MYO16: variants seen among roughly 807,000 people sequenced by gnomAD.
MYO16 encodes myosin XVI, also known as unconventional myosin-XVI.
Under a neutral mutation model 205.3 loss-of-function variants are expected in MYO16, and 94 were observed. That is an observed-to-expected ratio of 0.46 (90% CI 0.39 to 0.54). The LOEUF (loss-of-function observed/expected upper bound fraction) is 0.54, where lower values mean the gene tolerates loss of function less well. Among genes scored for constraint, MYO16 ranks in the 20% least tolerant of loss-of-function variants. The probability of loss-of-function intolerance (pLI) is 0.00; values close to 1 mark genes in which losing one functional copy is unlikely to be tolerated. For synonymous variants in MYO16, 988 were observed against 954.0 expected (o/e 1.04, Z -0.66); for missense variants, 2,315 against 2,387.5 (o/e 0.97, Z 0.63).
chr13:108,942,876 C>A (rs2139319286), intron 16 of MYO16, among the ~76,000 whole-genome samples: 1 of 152,284 alleles, frequency 6.6e-6, no homozygotes, highest in Non-Finnish European at 1.5e-5. Context: ...AGCTAATCTG[C>A]TTCCCCCAAG....
chr13:109,038,355 T>C lies in MYO16; in HGVS notation c.2797-8561T>C, dbSNP rs1350939927. Among the ~76,000 whole-genome samples the C allele has an allele frequency of 2.6e-5, 4 of 152,146 alleles. No individual in the cohort carries two copies. In the East Asian group the frequency reaches 7.8e-4, roughly 30 times the overall value. On this transcript the variant is annotated intron_variant, in intron 23 of 34. Coordinates refer to ENST00000457511, the MANE Select transcript of MYO16 (RefSeq NM_001198950.3). ...GGGTGGGTGGGCACCACCTAATCCC[T>C]TGAGGGCCTGAATAGTGCAAAAGAG...
chr13:108,630,219 A>G (rs993376242), intron 1 of MYO16, among the ~76,000 whole-genome samples: 1 of 152,110 alleles, frequency 6.6e-6, no homozygotes, highest in African/African-American at 2.4e-5. Context: ...ATGTTAATAA[A>G]GTACATAAAA....
intron 11 of MYO16, among the ~76,000 whole-genome samples, chr13:108,857,770 T>C (rs1878258039): frequency 6.6e-6 from 1 of 152,214 alleles, no homozygotes; most frequent in Admixed American, 6.5e-5. Flanking sequence ...AGCAAATACT[T>C]CCTATGTTTT....
chr13:108,643,530 G>T (rs1428120347), intron 1 of MYO16, among the ~76,000 whole-genome samples: 8 of 152,332 alleles, frequency 5.3e-5, no homozygotes, highest in African/African-American at 1.4e-4. Flanking sequence ...GAGTGCAATT[G>T]CTGGGTATGG....
chr13:108,598,940 G>T (rs1878660058), intron 1 of MYO16, among the ~76,000 whole-genome samples: 1 of 150,198 alleles, frequency 6.7e-6, no homozygotes, highest in Non-Finnish European at 1.5e-5. Context: ...CTGGTGTGCT[G>T]CACCCATTAA....
At chr13:108,742,011 T>C (rs938112231) in intron 4 of MYO16, among the ~76,000 whole-genome samples, 30 of 152,308 alleles carry the variant, frequency 2.0e-4, no homozygotes, top group African/African-American at 7.0e-4. Flanking sequence ...TGTTTGTTTT[T>C]GAGACAGAAT....
intron 34 of MYO16, among the ~76,000 whole-genome samples, chr13:109,190,812 T>G (rs562888203): frequency 1.3e-5 from 2 of 152,266 alleles, no homozygotes; most frequent in South Asian, 4.2e-4. Flanking sequence ...TATGCAAGGT[T>G]TGTAACTCCA....
intron 2 of MYO16, among the ~76,000 whole-genome samples, chr13:108,709,138 A>T (rs1883627497): frequency 6.6e-6 from 1 of 152,116 alleles, no homozygotes; most frequent in South Asian, 2.1e-4. Context: ...TGGTCCCCAG[A>T]TGGCTGTTTT....
intron 20 of MYO16, among the ~76,000 whole-genome samples, chr13:108,986,337 G>A (rs7335453): frequency 0.51 from 76,989 of 151,870 alleles, 20,407 homozygotes; most frequent in East Asian, 0.67. Flanking sequence ...AGACTAAGAT[G>A]TAGTCTGGGC....
At chr13:109,006,412 G>A (rs1296442898) in intron 21 of MYO16, among the ~76,000 whole-genome samples, 1 of 151,992 alleles carries the variant, frequency 6.6e-6, no homozygotes, top group Non-Finnish European at 1.5e-5. Flanking sequence ...GATAATTTTT[G>A]TATTTTTAGT....
chr13:108,509,652 C>T, the MYO16 span, among the ~76,000 whole-genome samples: 3 of 152,126 alleles, frequency 2.0e-5, no homozygotes, highest in Admixed American at 2.0e-4. Flanking sequence ...TACCTTTGGT[C>T]ACTTTTCAAG....
chr13:108,867,282 C>T (rs1878770099), intron 12 of MYO16, among the ~76,000 whole-genome samples: 1 of 152,134 alleles, frequency 6.6e-6, no homozygotes, highest in Admixed American at 6.5e-5. Context: ...AGGAGGATCA[C>T]TTGGGCCCAA....
At chr13:108,698,235 A>AATAAAGATGCTAG (rs1159770115) in intron 2 of MYO16, among the ~76,000 whole-genome samples, 2 of 152,178 alleles carry the variant, frequency 1.3e-5, no homozygotes, top group African/African-American at 4.8e-5. Context: ...GTATTCAGAG[A>AATAAAGATGCTAG]ATAAAGATGC....
the MYO16 span, among the ~76,000 whole-genome samples, chr13:108,582,006 A>G: frequency 3.3e-5 from 5 of 152,122 alleles, no homozygotes; most frequent in African/African-American, 1.2e-4. Flanking sequence ...GCTAATGTAT[A>G]TTCATTGCTT....
intron 10 of MYO16, among the ~76,000 whole-genome samples, chr13:108,854,198 C>T (rs528669253): frequency 3.9e-5 from 6 of 151,978 alleles, no homozygotes; most frequent in Non-Finnish European, 7.4e-5. Flanking sequence ...GGTTTCGCCG[C>T]GTTGGTCAGG....
the MYO16 span, among the ~76,000 whole-genome samples, chr13:108,542,233 A>G: frequency 6.6e-6 from 1 of 152,118 alleles, no homozygotes; most frequent in African/African-American, 2.4e-5. Flanking sequence ...CAAACAAAAA[A>G]TCTCATGGTC....
chr13:109,016,202 C>T (rs113476766), intron 22 of MYO16, among the ~76,000 whole-genome samples: 2 of 151,984 alleles, frequency 1.3e-5, no homozygotes, highest in Admixed American at 1.3e-4. Flanking sequence ...CTTTATTTCT[C>T]CCTTCATTTC....
At chr13:108,912,393 C>T (rs1186578247) in intron 16 of MYO16, among the ~76,000 whole-genome samples, 1 of 151,776 alleles carries the variant, frequency 6.6e-6, no homozygotes, top group Non-Finnish European at 1.5e-5. Context: ...TTTCTGTTCC[C>T]AAAATACAAT....
chr13:109,140,182 T>C lies in MYO16; in HGVS notation c.4052-82T>C. On this transcript the variant is annotated intron_variant, in intron 31 of 34. Transcript: ENST00000457511. This position sits in a 1 kb window ranked among gnomAD's most constrained non-coding sequence, Gnocchi z 8.0. ...GATTCTCGGGGCACGGGGCCGTGGCTCCCTCCGAGTCGAGCCCCGGGCTTG... is the reference window on the plus strand; with the variant it reads ...GATTCTCGGGGCACGGGGCCGTGGCCCCCTCCGAGTCGAGCCCCGGGCTTG... 1.3e-6 allele frequency: 2 copies of C among 1,543,558 alleles called. No homozygotes were observed. Among genetic ancestry groups the C allele is most frequent in the Non-Finnish European group, 1.7e-6 (2 of 1,155,248 alleles).
Sources: allele counts gnomAD v4.1 joint callset (sites outside exome capture counted in the v4.1 genomes callset), GRCh38; gene constraint gnomAD v4.1.1; non-coding constraint Gnocchi (gnomAD v3.1); transcripts MANE v1.5; gene names NCBI Gene and HGNC (gene_info 2026-07-23, HGNC 2026-07-21).